Variants in SYNJ2 observed in about 807,000 individuals in gnomAD.
SYNJ2 encodes synaptojanin 2, also known as polyphosphatidylinositol phosphatase SYNJ2.
SYNJ2 carries 116 observed loss-of-function variants against 141.3 expected under a neutral mutation model. That is an observed-to-expected ratio of 0.82 (90% CI 0.71 to 0.96). The LOEUF (loss-of-function observed/expected upper bound fraction) is 0.96, where lower values mean the gene tolerates loss of function less well. Ranked by LOEUF, SYNJ2 falls within the 40% of genes least tolerant of loss-of-function variation. The pLI is 0.00. For synonymous variants in SYNJ2, 745 were observed against 777.7 expected, an observed-to-expected ratio of 0.96 and a Z score of 0.70; for missense variants, 1,873 against 1,934.8, an observed-to-expected ratio of 0.97 and a Z score of 0.60.
chr6:158,001,852 G>A (rs550492979), intron 1 of SYNJ2, among the ~76,000 whole-genome samples: 72 of 151,900 alleles, frequency 4.7e-4, no homozygotes, highest in Non-Finnish European at 8.1e-4. Flanking sequence ...TTCCTAACTC[G>A]GTCATTTGCA....
intron 1 of SYNJ2, among the ~76,000 whole-genome samples, chr6:158,000,656 G>C (rs7758206): frequency 0.35 from 53,193 of 151,790 alleles, 11,968 homozygotes; most frequent in African/African-American, 0.64. Flanking sequence ...AACTCTCCCC[G>C]CCGACCCCCT....
In SYNJ2 at chr6:158,074,749, C is replaced by G; in HGVS notation, c.2292+11C>G. The stretch of plus-strand genomic sequence containing the variant: ...AAATCAAGTGGAAAAGTAAGTTGTG[C>G]TTTAAAAACATTTTTTAGCAGCTGC... On this transcript the variant is annotated intron_variant, in intron 16 of 26. Transcript: ENST00000355585. The G allele has an allele frequency of 1.9e-6, 3 of 1,610,770 alleles. No individual in the cohort carries two copies. The highest frequency in any genetic ancestry group is 1.7e-6 in the Non-Finnish European group (2 of 1,179,224).
At chr6:158,046,146 A>C (rs780304319) in intron 5 of SYNJ2, among the ~76,000 whole-genome samples, 5 of 151,938 alleles carry the variant, frequency 3.3e-5, no homozygotes, top group Non-Finnish European at 7.4e-5. Flanking sequence ...GGGTTTCATC[A>C]CGTTGACCAG....
intron 24 of SYNJ2, among the ~76,000 whole-genome samples, chr6:158,089,619 C>T (rs1783299322): frequency 6.6e-6 from 1 of 152,066 alleles, no homozygotes; most frequent in Admixed American, 6.6e-5. Flanking sequence ...TGTAATCACC[C>T]GGCTTTGAAG....
intron 18 of SYNJ2, chr6:158,078,510 C>T: frequency 3.1e-6 from 1 of 322,042 alleles, no homozygotes. Context: ...TCATAAATGA[C>T]ATCATTGATG....
chr6:158,084,936 A>T lies in SYNJ2; in HGVS notation c.3208+762A>T, dbSNP rs1341676799. On this transcript the variant is annotated intron_variant, in intron 22 of 26. Transcript: ENST00000355585. The surrounding 1 kb of genome is among the most constrained non-coding windows in gnomAD (Gnocchi z 5.0). ...TCATATTATTATACAGTCATGTCAT[A>T]CGGTCACATCATTGTATCATTTTAG... Among the ~76,000 whole-genome samples, 3 of 151,846 alleles carry T rather than the reference A, an allele frequency of 2.0e-5. No homozygotes were observed. The highest frequency in any genetic ancestry group is 7.3e-5 in the African/African-American group (3 of 41,324).
chr6:158,066,415 G>T, intron 11 of SYNJ2, 29 bp from the exon 12 acceptor site: 1 of 1,613,054 alleles, frequency 6.2e-7, no homozygotes, highest in Non-Finnish European at 8.5e-7. Context: ...GAACTGCAAA[G>T]AAATGTGCCT....
intron 6 of SYNJ2, among the ~76,000 whole-genome samples, chr6:158,057,437 G>A (rs780498748): frequency 2.0e-5 from 3 of 152,128 alleles, no homozygotes; most frequent in Non-Finnish European, 4.4e-5. Flanking sequence ...GAGGAACCAC[G>A]TCCCACACAC....
Position 158,095,005 on chromosome 6 carries a change from C to T in SYNJ2, c.3745-613C>T, listed in dbSNP as rs572136655. Among the ~76,000 whole-genome samples the T allele has an allele frequency of 5.3e-5, 8 of 152,244 alleles. 1 individual carries two copies. Among genetic ancestry groups the T allele is most frequent in the African/African-American group, 1.7e-4 (7 of 41,548 alleles). On this transcript the variant is annotated intron_variant, in intron 26 of 26. Transcript: ENST00000355585. Reference sequence around the variant, plus strand: ...TCTACTACAAAATACAAAAATTAGCCAGGCATGGTGGCAGGCGCCTGCAAT... The same window carrying T: ...TCTACTACAAAATACAAAAATTAGCTAGGCATGGTGGCAGGCGCCTGCAAT...
At position 158,070,112 on chromosome 6, in the gene SYNJ2, T is replaced by C. The variant is rs1781825234; in HGVS notation, c.1940+439T>C. 1.0e-6 allele frequency: 1 copy of C among 976,542 alleles called. No homozygotes were observed. Among genetic ancestry groups the C allele is most frequent in the African/African-American group, 1.8e-5 (1 of 57,044 alleles). The allele number at this position is 976,542 out of a possible 1,614,324, so 60.5% of individuals were successfully genotyped here. On this transcript the variant is annotated intron_variant, in intron 14 of 26. Coordinates refer to ENST00000355585, the MANE Select transcript of SYNJ2 (RefSeq NM_003898.4). The surrounding 1 kb of genome is among the most constrained non-coding windows in gnomAD (Gnocchi z 4.0). ...TGACCTCATTGTCATTTCTCCAAGG[T>C]GCATGCTTTGTGAGCATCAGAAAGG...
intron 4 of SYNJ2, among the ~76,000 whole-genome samples, chr6:158,041,620 A>T (rs984460919): frequency 7.9e-5 from 12 of 152,306 alleles, no homozygotes; most frequent in Admixed American, 7.8e-4. Flanking sequence ...GAGGAGCCTG[A>T]TGTGATGCTG....
chr6:158,092,902 C>T, intron 25 of SYNJ2, 24 bp from the exon 26 acceptor site: 2 of 1,567,082 alleles, frequency 1.3e-6, no homozygotes, highest in South Asian at 2.4e-5. Context: ...CTTTACACTT[C>T]AGCCATGTGG....
chr6:158,096,070 G>A lies in SYNJ2; in HGVS notation c.4197G>A (p.Ala1399=), dbSNP rs142303500. ...ATSPDSDGTK[A]MKPEAAPLLG... Reference sequence around the variant, plus strand: ...GCCCCGACAGCGATGGCACCAAAGCGATGAAGCCAGAGGCAGCCCCACTTC... The same window carrying A: ...GCCCCGACAGCGATGGCACCAAAGCAATGAAGCCAGAGGCAGCCCCACTTC... The change falls in exon 27 of 27, where the codon GCG becomes GCA. Residue 1399 remains alanine, a synonymous_variant. Coordinates refer to ENST00000355585, the MANE Select transcript of SYNJ2 (RefSeq NM_003898.4). 4.2e-5 allele frequency: 68 copies of A among 1,614,250 alleles called. No individual in the cohort carries two copies. The highest frequency in any genetic ancestry group is 2.9e-4 in the East Asian group (13 of 44,888).
chr6:158,037,191 G>C (rs1291512099), intron 4 of SYNJ2, among the ~76,000 whole-genome samples: 1 of 152,106 alleles, frequency 6.6e-6, no homozygotes, highest in African/African-American at 2.4e-5. Flanking sequence ...CTGCAATCCA[G>C]GTGTCGGCAG....
At chr6:158,034,902 T>A (rs1779559129) in intron 4 of SYNJ2, among the ~76,000 whole-genome samples, 1 of 152,244 alleles carries the variant, frequency 6.6e-6, no homozygotes, top group South Asian at 2.1e-4. Context: ...TGCATATGGC[T>A]AGCCAGTTAT....
rs1192242585 is a variant in SYNJ2, at chr6:158,055,007, C to G, written c.836C>G (p.Ala279Gly). The G allele has an allele frequency of 2.5e-6, 4 of 1,614,018 alleles. No individual in the cohort carries two copies. The Admixed American group carries it at 6.7e-5, about 27-fold the overall frequency. The change falls in exon 6 of 27, where the codon GCC becomes GGC. Residue 279 changes from alanine to glycine, a missense_variant. Transcript: ENST00000355585. ...HHLRLHRGLE[A>G]NAPAFDRHMV... ...CTGAGACTCCACAGAGGCCTGGAAG[C>G]CAATGCCCCTGCTTTCGACAGGTAG...
At position 158,071,588 on chromosome 6, in the gene SYNJ2, T is replaced by C. The variant is rs774630937; in HGVS notation, c.1941-14T>C. The C allele has an allele frequency of 1.3e-5, 21 of 1,612,126 alleles. No individual in the cohort carries two copies. The highest frequency in any genetic ancestry group is 1.2e-5 in the Non-Finnish European group (14 of 1,179,118). On this transcript the variant is annotated splice_polypyrimidine_tract_variant and intron_variant, in intron 14 of 26. Coordinates refer to ENST00000355585, the MANE Select transcript of SYNJ2 (RefSeq NM_003898.4). The surrounding 1 kb of genome is among the most constrained non-coding windows in gnomAD (Gnocchi z 4.3). The stretch of plus-strand genomic sequence containing the variant: ...TTCAGGAGCCGACGGCATGCGCGTA[T>C]CCTTCTGTTCCAGGGACGTAGCCAT...
Position 158,005,367 on chromosome 6 carries a change from A to G in SYNJ2, c.128-11837A>G, listed in dbSNP as rs374787530. Reference sequence around the variant, plus strand: ...GCTGGGATTAGAGGCGTGAGCCACCACGCCCGGCCCCCAGTGATCTTTGAC... The same window carrying G: ...GCTGGGATTAGAGGCGTGAGCCACCGCGCCCGGCCCCCAGTGATCTTTGAC... On this transcript the variant is annotated intron_variant, in intron 1 of 26. Coordinates refer to ENST00000355585, the MANE Select transcript of SYNJ2 (RefSeq NM_003898.4). Among the ~76,000 whole-genome samples, 1,084 of 152,104 alleles carry G rather than the reference A, an allele frequency of 7.1e-3. 11 individuals carry two copies. Among genetic ancestry groups the G allele is most frequent in the African/African-American group, 0.024 (988 of 41,502 alleles).
intron 1 of SYNJ2, among the ~76,000 whole-genome samples, chr6:158,005,143 T>A (rs1455123561): frequency 1.3e-5 from 2 of 151,000 alleles, no homozygotes; most frequent in African/African-American, 4.9e-5. Flanking sequence ...AGTGGCGCGA[T>A]CTCGGCTCAC....
Sources: allele counts gnomAD v4.1 joint callset (sites outside exome capture counted in the v4.1 genomes callset), GRCh38; gene constraint gnomAD v4.1.1; non-coding constraint Gnocchi (gnomAD v3.1); transcripts MANE v1.5; gene names NCBI Gene and HGNC (gene_info 2026-07-23, HGNC 2026-07-21).